Variants in GREM1 observed in about 807,000 individuals in gnomAD.
GREM1 encodes the protein gremlin 1, DAN family BMP antagonist, also known as gremlin-1.
GREM1 carries 6 observed loss-of-function variants against 13.1 expected under a neutral mutation model. That is an observed-to-expected ratio of 0.46 (90% CI 0.25 to 0.91). The LOEUF (loss-of-function observed/expected upper bound fraction) is 0.91, where lower values mean the gene tolerates loss of function less well. Among genes scored for constraint, GREM1 ranks in the 40% least tolerant of loss-of-function variants. The pLI is 0.18. For missense variants in GREM1, 185 were observed against 233.9 expected (o/e 0.79, Z 1.36); for synonymous variants, 98 against 93.7 (o/e 1.05, Z -0.27).
chr15:32,730,918 C>T lies in GREM1; in HGVS notation c.228C>T (p.Ser76=). 6.2e-7 allele frequency: 1 copy of T among 1,613,924 alleles called. No individual in the cohort carries two copies. The highest frequency in any genetic ancestry group is 8.5e-7 in the Non-Finnish European group (1 of 1,179,978). ...TGCCCGGGGAGGAGGTGCTGGAGTC[C>T]AGCCAAGAGGCCCTGCATGTGACGG... The part of the protein sequence containing the change: ...TAMPGEEVLE[S]SQEALHVTER... Residue 76 remains serine (S), a synonymous_variant, in exon 2 of 2, where the codon TCC becomes TCT. Transcript: ENST00000651154.
In GREM1 at chr15:32,743,219, G is replaced by A. The variant is rs1382937780; in HGVS notation, c.*11974G>A. On this transcript the variant is annotated 3_prime_UTR_variant, in exon 2 of 2. Coordinates refer to ENST00000651154, the MANE Select transcript of GREM1 (RefSeq NM_013372.7). The stretch of plus-strand genomic sequence containing the variant: ...ATATTCCTTAAGATTTGAATATAGA[G>A]GCTGGAAGAAAGATTTTTTTCTTTC... 6.6e-6 allele frequency: 1 copy of A among 152,166 alleles called. No homozygotes were observed. Among genetic ancestry groups the A allele is most frequent in the Non-Finnish European group, 1.5e-5 (1 of 68,040 alleles). The allele number at this position is 152,166 out of a possible 1,614,324, so 9.4% of individuals were successfully genotyped here. A position where few individuals can be genotyped will look rare whatever the true frequency, so the allele number is the denominator to read the frequency against.
rs117202960 is a variant in GREM1 at position 32,733,145 on chromosome 15, G to C, written c.*1900G>C. ...TAAACTCACTACTGATGATTCTCAC[G>C]CTAGGCGAATTTGTCCAAACACATA... is the stretch of plus-strand genomic sequence containing the variant. On this transcript the variant is annotated 3_prime_UTR_variant, in exon 2 of 2. Coordinates refer to ENST00000651154, the MANE Select transcript of GREM1 (RefSeq NM_013372.7). 0.014 allele frequency: 3,150 copies of C among 230,044 alleles called. 29 individuals carry two copies. Among genetic ancestry groups the C allele is most frequent in the Non-Finnish European group, 0.017 (1,860 of 106,836 alleles). 14.3% of individuals were successfully genotyped at this position (230,044 alleles called of 1,614,324 possible). A position where few individuals can be genotyped will look rare whatever the true frequency, so the allele number is the denominator to read the frequency against.
At chr15:32,718,389 G>T (rs1462412902) in intron 1 of GREM1, 16 of 490,834 alleles carry the variant, frequency 3.3e-5, no homozygotes, top group Non-Finnish European at 5.6e-5. Flanking sequence ...AGGAAAAAAA[G>T]TTGTCAGGAG....
chr15:32,718,359 C>G (rs1434701612), intron 1 of GREM1, 198 bp downstream of exon 1: 1 of 509,148 alleles, frequency 2.0e-6, no homozygotes. Context: ...CCTCGCTGCT[C>G]TGGGTCTGCA....
intron 1 of GREM1, among the ~76,000 whole-genome samples, chr15:32,724,748 C>T (rs2055469389): frequency 6.6e-6 from 1 of 152,024 alleles, no homozygotes; most frequent in African/African-American, 2.4e-5. Flanking sequence ...ATCAACCCAT[C>T]ATCTACATTA....
Position 32,730,707 on chromosome 15 carries a change from A to G in GREM1, c.17A>G (p.Tyr6Cys), listed in dbSNP as rs1200762767. ...TTCTTTAGTATGAGCCGCACAGCCT[A>G]CACGGTGGGAGCCCTGCTTCTCCTC... MSRTA[Y>C]TVGALLLLLG... is the part of the protein sequence containing the mutation. The change falls in exon 2 of 2, where the codon TAC becomes TGC. Residue 6 changes from tyrosine to cysteine, a missense_variant. Tyr to Cys is a radical substitution (Grantham distance 194). Coordinates refer to ENST00000651154, the MANE Select transcript of GREM1 (RefSeq NM_013372.7). The G allele has an allele frequency of 1.9e-6, 3 of 1,566,718 alleles. No homozygotes were observed. Among genetic ancestry groups the G allele is most frequent in the African/African-American group, 2.7e-5 (2 of 73,140 alleles).
chr15:32,731,216 T>C lies in GREM1; in HGVS notation c.526T>C (p.Cys176Arg). ...KKKRVTRVKQ[C>R]RCISIDLD is the part of the protein sequence containing the mutation. ...GAAGAGAGTCACACGTGTGAAGCAG[T>C]GTCGTTGCATATCCATCGATTTGGA... The change falls in exon 2 of 2, where the codon TGT becomes CGT. Residue 176 changes from cysteine to arginine, a missense_variant. By Grantham distance (180) the Cys-to-Arg change is radical. Transcript: ENST00000651154. 6.2e-7 allele frequency: 1 copy of C among 1,614,022 alleles called. No individual in the cohort carries two copies. Among genetic ancestry groups the C allele is most frequent in the Non-Finnish European group, 8.5e-7 (1 of 1,179,948 alleles).
At position 32,732,412 on chromosome 15, in the gene GREM1, T is replaced by C. The variant is rs1198367825; in HGVS notation, c.*1167T>C. 4.1e-6 allele frequency: 1 copy of C among 244,660 alleles called. No homozygotes were observed. Among genetic ancestry groups the C allele is most frequent in the Non-Finnish European group, 8.6e-6 (1 of 116,018 alleles). 15.2% of individuals were successfully genotyped at this position (244,660 alleles called of 1,614,324 possible). A position where few individuals can be genotyped will look rare whatever the true frequency, so the allele number is the denominator to read the frequency against. ...TGACAGTAGTCTAAGATGAGAGAGT[T>C]TAGGGACTACTCTGTTTTAGCAAGA... On this transcript the variant is annotated 3_prime_UTR_variant, in exon 2 of 2. Transcript: ENST00000651154.
At chr15:32,725,081 A>G (rs1055287962) in intron 1 of GREM1, among the ~76,000 whole-genome samples, 4 of 152,176 alleles carry the variant, frequency 2.6e-5, no homozygotes, top group African/African-American at 9.7e-5. Flanking sequence ...TATTATGACT[A>G]GTACTGCGAT....
At position 32,744,987 on chromosome 15, in the gene GREM1, C is replaced by T. The variant is rs565827572; in HGVS notation, c.*13742C>T. 18 of 152,290 alleles carry T rather than the reference C, an allele frequency of 1.2e-4. No individual in the cohort carries two copies. In the East Asian group the frequency reaches 2.3e-3, roughly 20 times the overall value. 9.4% of individuals were successfully genotyped at this position (152,290 alleles called of 1,614,324 possible). A position where few individuals can be genotyped will look rare whatever the true frequency, so the allele number is the denominator to read the frequency against. On this transcript the variant is annotated 3_prime_UTR_variant, in exon 2 of 2. Transcript: ENST00000651154. ...AAAATAAGAACAAAATGTACTTTGA[C>T]ACACATCATTTTGTTTGGTTCTCAT... is the stretch of plus-strand genomic sequence containing the variant.
At position 32,731,453 on chromosome 15, in the gene GREM1, T is replaced by C; in HGVS notation, c.*208T>C. 1.6e-6 allele frequency: 1 copy of C among 606,850 alleles called. No individual in the cohort carries two copies. The highest frequency in any genetic ancestry group is 3.0e-6 in the Non-Finnish European group (1 of 334,376). The allele number at this position is 606,850 out of a possible 1,614,324, so 37.6% of individuals were successfully genotyped here. Reference sequence around the variant, plus strand: ...TTTAGACACCAGAGAAAACACAGTCTCTGCTAGAGAGCACTCCCTATTTTG... The same window carrying C: ...TTTAGACACCAGAGAAAACACAGTCCCTGCTAGAGAGCACTCCCTATTTTG... On this transcript the variant is annotated 3_prime_UTR_variant, in exon 2 of 2. Coordinates refer to ENST00000651154, the MANE Select transcript of GREM1 (RefSeq NM_013372.7).
intron 1 of GREM1, among the ~76,000 whole-genome samples, chr15:32,728,939 T>C (rs565017445): frequency 1.3e-5 from 2 of 152,230 alleles, no homozygotes; most frequent in South Asian, 4.1e-4. Context: ...CAAAGCTTAA[T>C]AAAAAGGCAG....
At chr15:32,722,550 T>G (rs998610236) in intron 1 of GREM1, among the ~76,000 whole-genome samples, 2 of 152,250 alleles carry the variant, frequency 1.3e-5, no homozygotes, top group African/African-American at 4.8e-5. Flanking sequence ...ATATACCATT[T>G]TTATTTCTCA....
chr15:32,731,321 T>TA lies in GREM1; in HGVS notation c.*77dup. On this transcript the variant is annotated 3_prime_UTR_variant, in exon 2 of 2. Transcript: ENST00000651154. ...CCCAGACCTAAAACAACCAGATTCT[T>TA]ACTTGGCTTAAACCTAGAGGCCAGA... 3 of 1,217,056 alleles carry TA rather than the reference T, an allele frequency of 2.5e-6. No homozygotes were observed. Among genetic ancestry groups the TA allele is most frequent in the Non-Finnish European group, 1.2e-6 (1 of 852,358 alleles). The allele number at this position is 1,217,056 out of a possible 1,614,324, so 75.4% of individuals were successfully genotyped here. A position where few individuals can be genotyped will look rare whatever the true frequency, so the allele number is the denominator to read the frequency against.
chr15:32,731,062 T>A lies in GREM1; in HGVS notation c.372T>A (p.Ser124=). 6.2e-7 allele frequency: 1 copy of A among 1,614,206 alleles called. No homozygotes were observed. The highest frequency in any genetic ancestry group is 8.5e-7 in the Non-Finnish European group (1 of 1,180,032). ...INRFCYGQCN[S]FYIPRHIRKE... is the part of the protein sequence containing the mutation. ...GCTTCTGTTACGGCCAGTGCAACTC[T>A]TTCTACATCCCCAGGCACATCCGGA... Residue 124 remains serine (S), a synonymous_variant, in exon 2 of 2, where the codon TCT becomes TCA. Coordinates refer to ENST00000651154, the MANE Select transcript of GREM1 (RefSeq NM_013372.7).
Position 32,718,030 on chromosome 15 carries a change from C to T in GREM1, c.-133C>T. The T allele has an allele frequency of 2.7e-6, 3 of 1,098,548 alleles. No homozygotes were observed. Among genetic ancestry groups the T allele is most frequent in the South Asian group, 6.5e-5 (2 of 30,946 alleles). 68.1% of individuals were successfully genotyped at this position (1,098,548 alleles called of 1,614,324 possible). A position where few individuals can be genotyped will look rare whatever the true frequency, so the allele number is the denominator to read the frequency against. On this transcript the variant is annotated 5_prime_UTR_variant, in exon 1 of 2. Coordinates refer to ENST00000651154, the MANE Select transcript of GREM1 (RefSeq NM_013372.7). ...CTCGGTGCGCCTTCCGCGGACCGGG[C>T]GACCCAGTGCACGGCCGCCGCGTCA...
At position 32,735,113 on chromosome 15, in the gene GREM1, A is replaced by C. The variant is rs2055680833; in HGVS notation, c.*3868A>C. On this transcript the variant is annotated 3_prime_UTR_variant, in exon 2 of 2. Transcript: ENST00000651154. ...AAAGATAGTGAACTCCTGTCCTTGG[A>C]AATATTAAACCACAGGCTAGATATC... 6.6e-6 allele frequency: 1 copy of C among 152,216 alleles called. No homozygotes were observed. The highest frequency in any genetic ancestry group is 2.1e-4 in the South Asian group (1 of 4,828). 9.4% of individuals were successfully genotyped at this position (152,216 alleles called of 1,614,324 possible).
chr15:32,731,504 G>T lies in GREM1; in HGVS notation c.*259G>T, dbSNP rs143523028. ...TAAACATATCTGCTTTAATGGGGAT[G>T]TACCAGAAACCCACCTCACCCCGGC... On this transcript the variant is annotated 3_prime_UTR_variant, in exon 2 of 2. Coordinates refer to ENST00000651154, the MANE Select transcript of GREM1 (RefSeq NM_013372.7). The T allele has an allele frequency of 6.0e-6, 3 of 498,682 alleles. No individual in the cohort carries two copies. Among genetic ancestry groups the T allele is most frequent in the African/African-American group, 3.9e-5 (2 of 51,382 alleles). 30.9% of individuals were successfully genotyped at this position (498,682 alleles called of 1,614,324 possible).
At chr15:32,723,708 G>A (rs1026946317) in intron 1 of GREM1, among the ~76,000 whole-genome samples, 9 of 150,990 alleles carry the variant, frequency 6.0e-5, no homozygotes, top group African/African-American at 2.2e-4. Context: ...CAGAAAGTCT[G>A]TCCAAATTAA....
Sources: gnomAD v4.1 joint callset for allele counts (sites outside exome capture counted in the v4.1 genomes callset) on GRCh38, gnomAD v4.1.1 for gene constraint, MANE v1.5 for transcripts, NCBI Gene and HGNC (gene_info 2026-07-23, HGNC 2026-07-21) for gene names.